PGS1: variants seen among roughly 807,000 people sequenced by gnomAD.
The protein encoded by PGS1 is CDP-diacylglycerol--glycerol-3-phosphate 3-phosphatidyltransferase, mitochondrial.
Under a neutral mutation model 58.3 loss-of-function variants are expected in PGS1, and 44 were observed. That is an observed-to-expected ratio of 0.75 (90% CI 0.59 to 0.97). The LOEUF (loss-of-function observed/expected upper bound fraction) is 0.97. Ranked by LOEUF, PGS1 falls within the 50% of genes least tolerant of loss-of-function variation. PGS1 has a pLI of 0.00. For synonymous variants in PGS1, 330 were observed against 311.0 expected (o/e 1.06, Z -0.64); for missense variants, 684 against 731.1 (o/e 0.94, Z 0.74).
chr17:78,383,251 C>CT (rs148101901), intron 1 of PGS1, among the ~76,000 whole-genome samples: 1,939 of 146,480 alleles, frequency 0.013, 22 homozygotes, highest in African/African-American at 0.038. Context: ...ATTTTCTTTC[C>CT]TTTTTTTTTT....
chr17:78,408,184 C>G (rs2084320764), intron 7 of PGS1, among the ~76,000 whole-genome samples: 1 of 152,176 alleles, frequency 6.6e-6, no homozygotes, highest in South Asian at 2.1e-4. Flanking sequence ...GAGGAACACT[C>G]AACTATTTAA....
chr17:78,424,225 G>C lies in PGS1; in HGVS notation c.*175G>C. Reference sequence around the variant, plus strand: ...AGGGAGGGGCTGGCAGGAAGGGTGGGGTCCTCACACTCCCCGCCCTCTGCA... The same window carrying C: ...AGGGAGGGGCTGGCAGGAAGGGTGGCGTCCTCACACTCCCCGCCCTCTGCA... On this transcript the variant is annotated 3_prime_UTR_variant, in exon 10 of 10. Transcript: ENST00000262764. 1 of 1,531,690 alleles carries C rather than the reference G, an allele frequency of 6.5e-7. No individual in the cohort carries two copies. 94.9% of individuals were successfully genotyped at this position (1,531,690 alleles called of 1,614,324 possible).
chr17:78,420,188 C>A, intron 9 of PGS1: 5 of 1,000,698 alleles, frequency 5.0e-6, no homozygotes, highest in Non-Finnish European at 6.0e-6. Flanking sequence ...GGACGCCTCG[C>A]TGACATCCCT....
In PGS1 at chr17:78,381,255, C is replaced by T. The variant is rs142692772; in HGVS notation, c.143+2447C>T. Among the ~76,000 whole-genome samples, 322 of 152,256 alleles carry T rather than the reference C, an allele frequency of 2.1e-3. 4 individuals carry two copies. Among genetic ancestry groups the T allele is most frequent in the African/African-American group, 7.4e-3 (309 of 41,550 alleles). On this transcript the variant is annotated intron_variant, in intron 1 of 9. Transcript: ENST00000262764. ...GTGTGAGTGGATGCAGTTTGTGTGC[C>T]TTCATCCTTCATTAAGCTGAGAGAG...
At chr17:78,411,716 G>A (rs906533520) in intron 7 of PGS1, among the ~76,000 whole-genome samples, 13 of 152,188 alleles carry the variant, frequency 8.5e-5, no homozygotes, top group South Asian at 4.2e-4. Flanking sequence ...ATGAAGAGTC[G>A]GGCGTGATAA....
At chr17:78,397,064 G>A (rs184430510) in intron 3 of PGS1, among the ~76,000 whole-genome samples, 202 of 152,342 alleles carry the variant, frequency 1.3e-3, no homozygotes, top group Admixed American at 2.3e-3. Flanking sequence ...CCAGGGCTGC[G>A]GCCAGCCTTG....
chr17:78,382,470 G>A (rs1314055231), intron 1 of PGS1, among the ~76,000 whole-genome samples: 1 of 152,024 alleles, frequency 6.6e-6, no homozygotes, highest in Admixed American at 6.6e-5. Context: ...AAGAGGCTCA[G>A]GTTTTGGGGA....
chr17:78,394,170 T>A (rs2083040904), intron 2 of PGS1, among the ~76,000 whole-genome samples: 1 of 73,480 alleles, frequency 1.4e-5, no homozygotes. Context: ...AGACTCTATC[T>A]CCCAAAAAAA....
At chr17:78,394,360 C>T (rs538039931) in intron 2 of PGS1, among the ~76,000 whole-genome samples, 13 of 151,914 alleles carry the variant, frequency 8.6e-5, no homozygotes, top group African/African-American at 2.9e-4. Flanking sequence ...GTTTGTTGAT[C>T]CACGCTTAGC....
intron 7 of PGS1, among the ~76,000 whole-genome samples, chr17:78,410,100 C>A (rs2084505620): frequency 1.5e-5 from 2 of 135,626 alleles, no homozygotes; most frequent in African/African-American, 5.3e-5. Context: ...GAGACTCCGT[C>A]TCAAAAACAA....
chr17:78,394,487 G>A (rs1227003663), intron 2 of PGS1, among the ~76,000 whole-genome samples: 8 of 152,100 alleles, frequency 5.3e-5, no homozygotes, highest in African/African-American at 1.9e-4. Context: ...GAATGATGCT[G>A]CAACTGTTGG....
At chr17:78,388,588 C>G (rs1598257541) in intron 1 of PGS1, among the ~76,000 whole-genome samples, 2 of 151,904 alleles carry the variant, frequency 1.3e-5, no homozygotes, top group East Asian at 1.9e-4. Context: ...TCAAGTGATT[C>G]TCCTGCCTTA....
At chr17:78,414,798 C>T in intron 7 of PGS1, 81 bp from the exon 8 acceptor site, 1 of 1,532,886 alleles carries the variant, frequency 6.5e-7, no homozygotes, top group Admixed American at 1.7e-5. Flanking sequence ...CCGCCTTTCT[C>T]TTAGATTGCA....
Position 78,424,164 on chromosome 17 carries a change from A to C in PGS1, c.*114A>C, listed in dbSNP as rs2146392716. Reference sequence around the variant, plus strand: ...TGTCCCAGCGAGCCCCTGCAGGGACAGTATGGCTGAGGGTCAGGTGTGCTG... The same window carrying C: ...TGTCCCAGCGAGCCCCTGCAGGGACCGTATGGCTGAGGGTCAGGTGTGCTG... On this transcript the variant is annotated 3_prime_UTR_variant, in exon 10 of 10. Coordinates refer to ENST00000262764, the MANE Select transcript of PGS1 (RefSeq NM_024419.5). 1.2e-6 allele frequency: 2 copies of C among 1,602,428 alleles called. No individual in the cohort carries two copies. Among genetic ancestry groups the C allele is most frequent in the Non-Finnish European group, 1.7e-6 (2 of 1,174,388 alleles).
intron 5 of PGS1, 143 bp downstream of exon 5, chr17:78,399,680 C>T (rs2083503995): frequency 2.7e-6 from 2 of 745,200 alleles, no homozygotes; most frequent in Non-Finnish European, 4.4e-6. Flanking sequence ...GCGGCACCTC[C>T]CCGACACTGT....
chr17:78,403,831 G>T lies in PGS1; in HGVS notation c.1144G>T (p.Val382Phe). The T allele has an allele frequency of 1.2e-6, 2 of 1,614,238 alleles. No individual in the cohort carries two copies. Among genetic ancestry groups the T allele is most frequent in the African/African-American group, 1.3e-5 (1 of 75,056 alleles). ...GACTGAGGCGGAGCGCGGGGCAAAG[G>T]TCTACCTCACCACTGGCTATTTCAA... ...LLTEAERGAK[V>F]YLTTGYFNLT... is the part of the protein sequence containing the mutation. The change falls in exon 7 of 10, where the codon GTC (valine) becomes TTC (phenylalanine). Residue 382 changes from valine to phenylalanine, a missense_variant. By Grantham distance (50) the Val-to-Phe change is conservative. Coordinates refer to ENST00000262764, the MANE Select transcript of PGS1 (RefSeq NM_024419.5).
intron 2 of PGS1, among the ~76,000 whole-genome samples, chr17:78,393,790 A>T (rs957879212): frequency 9.9e-5 from 15 of 152,162 alleles, no homozygotes; most frequent in African/African-American, 3.4e-4. Context: ...TACATGCCAC[A>T]TCTGGTTATT....
Position 78,424,600 on chromosome 17 carries a change from ATTTAATGGTG to A in PGS1, c.*554_*563del, listed in dbSNP as rs2086334555. 1.9e-5 allele frequency: 3 copies of A among 156,654 alleles called. No homozygotes were observed. The highest frequency in any genetic ancestry group is 1.9e-4 in the Admixed American group (3 of 15,802). The allele number at this position is 156,654 out of a possible 1,614,324, so 9.7% of individuals were successfully genotyped here. A position where few individuals can be genotyped will look rare whatever the true frequency, so the allele number is the denominator to read the frequency against. The stretch of plus-strand genomic sequence containing the variant: ...GACTGCTATTATTTCTACTCGCCCT[ATTTAATGGTG>A]TTTTTATTTCCTGTCTGAAATCTCA... On this transcript the variant is annotated 3_prime_UTR_variant, in exon 10 of 10. Transcript: ENST00000262764.
At chr17:78,411,856 C>T (rs1200462344) in intron 7 of PGS1, among the ~76,000 whole-genome samples, 1 of 149,022 alleles carries the variant, frequency 6.7e-6, no homozygotes, top group African/African-American at 2.5e-5. Context: ...CTCCAGACCG[C>T]TCAGGCCTAG....
Sources: gnomAD v4.1 joint callset for allele counts (sites outside exome capture counted in the v4.1 genomes callset) on GRCh38, gnomAD v4.1.1 for gene constraint, MANE v1.5 for transcripts, NCBI Gene and HGNC (gene_info 2026-07-23, HGNC 2026-07-21) for gene names.